Variants in ROBO2 observed in about 807,000 individuals in gnomAD.
ROBO2 encodes the protein roundabout guidance receptor 2.
A neutral mutation model predicts 160.8 loss-of-function variants in ROBO2; 53 were observed. The observed-to-expected ratio is 0.33, with a 90% CI of 0.26 to 0.41. The LOEUF (loss-of-function observed/expected upper bound fraction) is 0.41, where lower values mean the gene tolerates loss of function less well. ROBO2 is among the 10% of genes least tolerant of loss of function. The pLI is 1.00. For synonymous variants in ROBO2, 664 were observed against 611.7 expected (o/e 1.09, Z -1.26); for missense variants, 1,577 against 1,722.4 (o/e 0.92, Z 1.49).
At chr3:77,162,938 T>A (rs1323060988) in intron 2 of ROBO2, among the ~76,000 whole-genome samples, 2 of 152,206 alleles carry the variant, frequency 1.3e-5, no homozygotes, top group African/African-American at 4.8e-5. Flanking sequence ...CAAGCAATTG[T>A]CCTGACTCAG....
intron 2 of ROBO2, among the ~76,000 whole-genome samples, chr3:76,444,351 G>A (rs912572311): frequency 6.6e-6 from 1 of 152,070 alleles, no homozygotes; most frequent in Non-Finnish European, 1.5e-5. Flanking sequence ...GTAATCACAA[G>A]ATGTAAAGTA....
chr3:77,372,696 G>A (rs1273414843), intron 2 of ROBO2, among the ~76,000 whole-genome samples: 1 of 152,126 alleles, frequency 6.6e-6, no homozygotes, highest in Non-Finnish European at 1.5e-5. Flanking sequence ...TCTCGGTACA[G>A]GGAATCAGTA....
At chr3:76,884,147 A>G (rs2073644512) in intron 2 of ROBO2, among the ~76,000 whole-genome samples, 1 of 152,196 alleles carries the variant, frequency 6.6e-6, no homozygotes, top group African/African-American at 2.4e-5. Context: ...TCTTAATAGA[A>G]GTTAAGTTTA....
intron 2 of ROBO2, among the ~76,000 whole-genome samples, chr3:77,427,001 A>G (rs4458348): frequency 0.12 from 18,751 of 152,018 alleles, 1,424 homozygotes; most frequent in East Asian, 0.3. Context: ...ATTTGCTAAC[A>G]GCGAACTTCA....
intron 2 of ROBO2, among the ~76,000 whole-genome samples, chr3:76,100,441 G>T (rs2108160017): frequency 6.6e-6 from 1 of 152,224 alleles, no homozygotes; most frequent in East Asian, 1.9e-4. Flanking sequence ...TTGCAATATT[G>T]TATGTATCTT....
At chr3:77,380,596 C>T (rs1158678396) in intron 2 of ROBO2, among the ~76,000 whole-genome samples, 1 of 152,044 alleles carries the variant, frequency 6.6e-6, no homozygotes, top group African/African-American at 2.4e-5. Context: ...TCTTATACAA[C>T]ATTTATTTAG....
At chr3:76,876,142 T>C (rs2072689300) in intron 2 of ROBO2, among the ~76,000 whole-genome samples, 1 of 152,200 alleles carries the variant, frequency 6.6e-6, no homozygotes, top group South Asian at 2.1e-4. Context: ...TTGTACACTA[T>C]ACCTACTATT....
chr3:76,273,795 T>C (rs560572731), intron 2 of ROBO2, among the ~76,000 whole-genome samples: 1 of 152,270 alleles, frequency 6.6e-6, no homozygotes, highest in Non-Finnish European at 1.5e-5. Context: ...GTGGGGATTA[T>C]GGGAACTACA....
chr3:77,223,774 A>G (rs1219712004), intron 2 of ROBO2, among the ~76,000 whole-genome samples: 1 of 152,012 alleles, frequency 6.6e-6, no homozygotes, highest in Non-Finnish European at 1.5e-5. Context: ...ATAGTACAAA[A>G]CTTTATGAAG....
At chr3:76,717,647 G>A (rs2093403370) in intron 2 of ROBO2, among the ~76,000 whole-genome samples, 1 of 152,050 alleles carries the variant, frequency 6.6e-6, no homozygotes. Context: ...TTTTATTTTT[G>A]AAAAGGAAAT....
rs201652083 is a variant in ROBO2, at chr3:77,574,573, T to C, written c.2046T>C (p.Ser682=). The C allele has an allele frequency of 6.1e-5, 98 of 1,613,386 alleles. No individual in the cohort carries two copies. Among genetic ancestry groups the C allele is most frequent in the Non-Finnish European group, 7.8e-5 (92 of 1,179,620 alleles). Residue 682 remains serine, a synonymous_variant, in exon 14 of 26, where the codon TCT becomes TCC. Transcript: ENST00000461745. ...AGACTTCAGGTCTGCAGGCGACATC[T>C]TCGTGGCAGAATTTAGATGCCAAAG...
chr3:77,253,279 G>T (rs534871872), intron 2 of ROBO2, among the ~76,000 whole-genome samples: 3 of 152,244 alleles, frequency 2.0e-5, no homozygotes, highest in African/African-American at 7.2e-5. Flanking sequence ...GAAATTAACT[G>T]TAAAAGTTCA....
At chr3:77,349,592 A>T (rs115419763) in intron 2 of ROBO2, among the ~76,000 whole-genome samples, 1 of 152,330 alleles carries the variant, frequency 6.6e-6, no homozygotes, top group African/African-American at 2.4e-5. Context: ...AAGAAAGAAC[A>T]TTTTAATAAG....
chr3:77,000,974 T>C (rs1168294921), intron 2 of ROBO2, among the ~76,000 whole-genome samples: 1 of 152,140 alleles, frequency 6.6e-6, no homozygotes. Context: ...GCATCCAGTT[T>C]AGCACCATAT....
intron 1 of ROBO2, among the ~76,000 whole-genome samples, chr3:77,092,656 A>G (rs1276116861): frequency 6.8e-6 from 1 of 147,236 alleles, no homozygotes; most frequent in Non-Finnish European, 1.5e-5. Context: ...TTAACAATAT[A>G]TATTATTTTA....
intron 2 of ROBO2, among the ~76,000 whole-genome samples, chr3:76,211,810 ATTAC>A (rs1453922198): frequency 1.3e-5 from 2 of 152,060 alleles, no homozygotes; most frequent in Non-Finnish European, 2.9e-5. Flanking sequence ...TAAATTCAAA[ATTAC>A]TTTTACCTTT....
intron 8 of ROBO2, among the ~76,000 whole-genome samples, chr3:77,556,209 C>A (rs2093115578): frequency 6.6e-6 from 1 of 151,622 alleles, no homozygotes; most frequent in Admixed American, 6.6e-5. Context: ...AAAATAAGTC[C>A]CATGAAACTT....
At chr3:76,424,220 G>A (rs13072871) in intron 2 of ROBO2, among the ~76,000 whole-genome samples, 51,368 of 151,924 alleles carry the variant, frequency 0.34, 10,717 homozygotes, top group Non-Finnish European at 0.46. Context: ...ATACTTATAC[G>A]TTTAAATTAT....
intron 2 of ROBO2, among the ~76,000 whole-genome samples, chr3:76,509,373 G>A (rs2080961825): frequency 6.6e-6 from 1 of 152,102 alleles, no homozygotes; most frequent in South Asian, 2.1e-4. Context: ...TTCCATGAGT[G>A]CCCGACTTGG....
Sources: allele counts gnomAD v4.1 joint callset (sites outside exome capture counted in the v4.1 genomes callset), GRCh38; gene constraint gnomAD v4.1.1; transcripts MANE v1.5; gene names NCBI Gene and HGNC (gene_info 2026-07-23, HGNC 2026-07-21).